KCNK10: variants seen among roughly 807,000 people sequenced by gnomAD.
KCNK10 encodes the protein potassium two pore domain channel subfamily K member 10, also known as potassium channel subfamily K member 10.
Under a neutral mutation model 47.7 loss-of-function variants are expected in KCNK10, and 25 were observed. The ratio of observed to expected loss-of-function variants is 0.52; its 90% CI spans 0.38 to 0.73. KCNK10 has a LOEUF of 0.73. Ranked by LOEUF, KCNK10 falls within the 30% of genes least tolerant of loss-of-function variation. The pLI is 0.00. For missense variants in KCNK10, 563 were observed against 714.5 expected (o/e 0.79, Z 2.42); for synonymous variants, 303 against 285.6 (o/e 1.06, Z -0.61).
chr14:88,186,424 GAGGGGGACGGCATCCTGC>G lies in KCNK10; in HGVS notation c.1012-287_1012-270del, dbSNP rs542678483. ...AGATTTGGAGATGGTGACTTAAAGAGAGGGGGACGGCATCCTGCAGGAGAGGTTAAAATGTGGAGTTGG... is the reference window on the plus strand; with the variant it reads ...AGATTTGGAGATGGTGACTTAAAGAGAGGAGAGGTTAAAATGTGGAGTTGG... On this transcript the variant is annotated intron_variant, in intron 6 of 6. Transcript: ENST00000319231. The surrounding 1 kb of genome is among the most constrained non-coding windows in gnomAD (Gnocchi z 5.5). Among the ~76,000 whole-genome samples, 245 of 152,308 alleles carry G rather than the reference GAGGGGGACGGCATCCTGC, an allele frequency of 1.6e-3. 1 individual carries two copies. Among genetic ancestry groups the G allele is most frequent in the African/African-American group, 5.4e-3 (226 of 41,568 alleles).
intron 4 of KCNK10, among the ~76,000 whole-genome samples, chr14:88,200,961 A>G (rs937629020): frequency 2.3e-4 from 35 of 152,256 alleles, no homozygotes; most frequent in African/African-American, 7.0e-4. Context: ...TGCCTACCAC[A>G]GTCTCCATAT....
intron 3 of KCNK10, among the ~76,000 whole-genome samples, chr14:88,240,397 A>T (rs563706842): frequency 6.6e-6 from 1 of 152,336 alleles, no homozygotes; most frequent in Admixed American, 6.5e-5. Flanking sequence ...TTTAATAAGA[A>T]GTACAATTTT....
At chr14:88,320,683 A>T (rs563303145) in intron 1 of KCNK10, among the ~76,000 whole-genome samples, 2 of 152,252 alleles carry the variant, frequency 1.3e-5, no homozygotes, top group Non-Finnish European at 2.9e-5. Flanking sequence ...CACGTCCTCT[A>T]CAGCTCTCTA....
chr14:88,256,546 A>T (rs1486343423), intron 2 of KCNK10, among the ~76,000 whole-genome samples: 5 of 152,100 alleles, frequency 3.3e-5, no homozygotes, highest in Admixed American at 6.6e-5. Context: ...ATGGAATAGC[A>T]ACTTGCTGTG....
intron 2 of KCNK10, among the ~76,000 whole-genome samples, chr14:88,245,978 C>G (rs554134174): frequency 1.3e-5 from 2 of 152,128 alleles, no homozygotes; most frequent in Non-Finnish European, 2.9e-5. Flanking sequence ...ACTCCCTGAA[C>G]GGCACAGTCA....
intron 4 of KCNK10, among the ~76,000 whole-genome samples, chr14:88,202,803 G>C (rs955880865): frequency 2.0e-5 from 3 of 150,932 alleles, no homozygotes; most frequent in African/African-American, 7.3e-5. Context: ...GGGGTGGGTG[G>C]TGGGAAGCAA....
rs1208270141 is a variant in KCNK10 at position 88,235,840 on chromosome 14, T to C, written c.520+4863A>G. ...AAGATGTCAATCAAGAAAACTTTAA[T>C]GCAATAAAAGAGTCAAAACCTAGTA... is the stretch of plus-strand genomic sequence containing the variant. On this transcript the variant is annotated intron_variant, in intron 3 of 6. Transcript: ENST00000319231. Among the ~76,000 whole-genome samples, 5 of 152,102 alleles carry C rather than the reference T, an allele frequency of 3.3e-5. No homozygotes were observed. In the East Asian group the frequency reaches 5.8e-4, roughly 18 times the overall value.
Position 88,240,807 on chromosome 14 carries a change from G to C in KCNK10, c.416C>G (p.Ala139Gly), listed in dbSNP as rs895380148. The change falls in exon 3 of 7, where the codon GCT (alanine) becomes GGT (glycine). Residue 139 changes from alanine (A) to glycine (G), a missense_variant. Physicochemically the swap from Ala to Gly is moderately conservative, Grantham distance 60 (BLOSUM62 0). Coordinates refer to ENST00000319231, the MANE Select transcript of KCNK10 (RefSeq NM_138317.3). ...TATTGGACTGACTCCCGCATTGTCA[G>C]CATCAAGAGCATGCTGCAAAGAAAG... is the stretch of plus-strand genomic sequence containing the variant. Reference protein sequence around the residue: ...LETLIQHALDADNAGVSPIGN... With the variant: ...LETLIQHALDGDNAGVSPIGN... 1 of 1,604,690 alleles carries C rather than the reference G, an allele frequency of 6.2e-7. No individual in the cohort carries two copies. Among genetic ancestry groups the C allele is most frequent in the Non-Finnish European group, 8.5e-7 (1 of 1,172,016 alleles).
chr14:88,226,560 G>A (rs1048071381), intron 4 of KCNK10, among the ~76,000 whole-genome samples: 3 of 152,188 alleles, frequency 2.0e-5, no homozygotes, highest in African/African-American at 4.8e-5. Flanking sequence ...TCAGCGGTGA[G>A]TAAGAGGGCA....
chr14:88,181,129 C>T lies in KCNK10; in HGVS notation c.*4406G>A, dbSNP rs1041003629. ...AATGTTTGTTTTCCTACGCCTTTCC[C>T]GTGGTTCAGAAACCCTGGTACACAC... On this transcript the variant is annotated 3_prime_UTR_variant, in exon 7 of 7. Transcript: ENST00000319231. 3.6e-6 allele frequency: 1 copy of T among 275,832 alleles called. No individual in the cohort carries two copies. Among genetic ancestry groups the T allele is most frequent in the Admixed American group, 5.3e-5 (1 of 18,936 alleles). The allele number at this position is 275,832 out of a possible 1,614,324, so 17.1% of individuals were successfully genotyped here.
At chr14:88,285,925 A>C (rs1029564662) in intron 1 of KCNK10, among the ~76,000 whole-genome samples, 1 of 152,210 alleles carries the variant, frequency 6.6e-6, no homozygotes, top group African/African-American at 2.4e-5. Context: ...CTTGTGACTA[A>C]AGCAGAAGTG....
intron 1 of KCNK10, among the ~76,000 whole-genome samples, chr14:88,275,160 G>A (rs569451221): frequency 1.2e-4 from 19 of 152,054 alleles, no homozygotes; most frequent in Admixed American, 6.5e-4. Flanking sequence ...AGTCTCCCTC[G>A]CCCACAACAT....
intron 1 of KCNK10, chr14:88,270,667 G>C (rs1034284512): frequency 1.3e-6 from 1 of 779,828 alleles, no homozygotes; most frequent in Non-Finnish European, 2.4e-6. Context: ...GAGGGAGCTA[G>C]AACTGCCTGC....
At chr14:88,200,125 CTCTT>C (rs1047850563) in intron 4 of KCNK10, among the ~76,000 whole-genome samples, 14 of 148,298 alleles carry the variant, frequency 9.4e-5, no homozygotes, top group Middle Eastern at 3.4e-3. Context: ...ATATTTATCT[CTCTT>C]TCTTTCTTTC....
At chr14:88,318,352 G>T (rs1888471310) in intron 1 of KCNK10, among the ~76,000 whole-genome samples, 1 of 152,188 alleles carries the variant, frequency 6.6e-6, no homozygotes, top group East Asian at 1.9e-4. Context: ...ACAAGACAGA[G>T]AAAGTCCCTG....
intron 3 of KCNK10, among the ~76,000 whole-genome samples, chr14:88,240,082 T>C (rs979380903): frequency 1.3e-4 from 20 of 152,094 alleles, no homozygotes; most frequent in Non-Finnish European, 2.8e-4. Context: ...ATGTTTCACT[T>C]CTATCTAATT....
intron 4 of KCNK10, among the ~76,000 whole-genome samples, chr14:88,193,590 C>A (rs1884818554): frequency 2.0e-5 from 3 of 152,164 alleles, no homozygotes; most frequent in Admixed American, 2.0e-4. Flanking sequence ...CAAACGTACA[C>A]CACATTTGGG....
intron 2 of KCNK10, among the ~76,000 whole-genome samples, 200 bp downstream of exon 2, chr14:88,263,002 G>A (rs910360793): frequency 6.6e-6 from 1 of 151,952 alleles, no homozygotes; most frequent in Non-Finnish European, 1.5e-5. Context: ...TGCAGAACAT[G>A]GACCCTCCTT....
chr14:88,243,088 T>A (rs1407913234), intron 2 of KCNK10, among the ~76,000 whole-genome samples: 1 of 152,186 alleles, frequency 6.6e-6, no homozygotes, highest in Non-Finnish European at 1.5e-5. Flanking sequence ...ATCTGAAGAA[T>A]CCTTTTCAAG....
Sources: gnomAD v4.1 joint callset for allele counts (sites outside exome capture counted in the v4.1 genomes callset) on GRCh38, gnomAD v4.1.1 for gene constraint, Gnocchi (gnomAD v3.1) non-coding constraint, MANE v1.5 for transcripts, NCBI Gene and HGNC (gene_info 2026-07-23, HGNC 2026-07-21) for gene names.